The following ETS1 variants were observed in gnomAD, a reference collection of about 807,000 sequenced individuals.
The protein encoded by ETS1 is ETS proto-oncogene 1, transcription factor, also known as protein C-ets-1.
Under a neutral mutation model 58.6 loss-of-function variants are expected in ETS1, and 15 were observed. That is an observed-to-expected ratio of 0.26 (90% CI 0.17 to 0.39). ETS1 has a LOEUF of 0.39. Among genes scored for constraint, ETS1 ranks in the 10% least tolerant of loss-of-function variants. ETS1 has a pLI of 1.00. For missense variants in ETS1, 417 were observed against 610.5 expected (o/e 0.68, Z 3.34); for synonymous variants, 214 against 218.2 (o/e 0.98, Z 0.17).
At chr11:128,532,361 A>C (rs1033629863) in intron 3 of ETS1, among the ~76,000 whole-genome samples, 1 of 152,208 alleles carries the variant, frequency 6.6e-6, no homozygotes, top group East Asian at 1.9e-4. Context: ...AGAATTTGCC[A>C]TTTACATCAG....
At position 128,463,406 on chromosome 11, in the gene ETS1, G is replaced by C. The variant is rs1432075728; in HGVS notation, c.1242+103C>G. ...TCCGGGTGGCAAGTGGCAGAGCTGG[G>C]AATCCCAATCCTGGAACACGTCATT... On this transcript the variant is annotated intron_variant, in intron 9 of 9. Transcript: ENST00000392668. This position sits in a 1 kb window ranked among gnomAD's most constrained non-coding sequence, Gnocchi z 4.1. 1.4e-6 allele frequency: 1 copy of C among 721,982 alleles called. No homozygotes were observed. The highest frequency in any genetic ancestry group is 1.7e-5 in the African/African-American group (1 of 57,312). The allele number at this position is 721,982 out of a possible 1,614,324, so 44.7% of individuals were successfully genotyped here.
rs560557877 is a variant in ETS1, at chr11:128,532,156, G to C, written c.214+24135C>G. Among the ~76,000 whole-genome samples the C allele has an allele frequency of 7.9e-5, 12 of 152,240 alleles. No homozygotes were observed. In the South Asian group the frequency reaches 2.5e-3, roughly 32 times the overall value. On this transcript the variant is annotated intron_variant, in intron 3 of 9. Transcript: ENST00000392668. ...GCCATACACATACATTTTAGCTACA[G>C]AATTCTGGACCTAGATAGCACTCCC... is the stretch of plus-strand genomic sequence containing the variant.
intron 3 of ETS1, among the ~76,000 whole-genome samples, chr11:128,535,478 G>A (rs1201597348): frequency 6.6e-6 from 1 of 152,124 alleles, no homozygotes; most frequent in African/African-American, 2.4e-5. Context: ...TGCTTTTGAT[G>A]TTTTTGTCAT....
intron 1 of ETS1, among the ~76,000 whole-genome samples, chr11:128,579,337 C>A (rs117476491): frequency 0.01 from 1,535 of 152,054 alleles, 16 homozygotes; most frequent in Non-Finnish European, 0.016. Flanking sequence ...AAAAGCATGT[C>A]CTTTTGGCTT....
intron 3 of ETS1, among the ~76,000 whole-genome samples, chr11:128,519,854 C>A (rs1445829389): frequency 6.8e-6 from 1 of 147,988 alleles, no homozygotes; most frequent in Admixed American, 6.8e-5. Context: ...ATATAAGCAA[C>A]TAAAGGTCCA....
At chr11:128,565,029 C>CAAAT (rs6144562) in intron 2 of ETS1, among the ~76,000 whole-genome samples, 8,204 of 144,532 alleles carry the variant, frequency 0.057, 340 homozygotes, top group Admixed American at 0.15. Flanking sequence ...CACCAAATAT[C>CAAAT]AAATAAATAA....
In ETS1 at chr11:128,461,176, T is replaced by G. The variant is rs1393041991; in HGVS notation, c.*1185A>C. ...TGAGGGGGTGCAAAAAATGGAGGAC[T>G]CTTGGAAAATAAGACATAAAAGAAA... On this transcript the variant is annotated 3_prime_UTR_variant, in exon 10 of 10. Transcript: ENST00000392668. 6.5e-6 allele frequency: 1 copy of G among 152,774 alleles called. No homozygotes were observed. The highest frequency in any genetic ancestry group is 2.4e-5 in the African/African-American group (1 of 41,452). The allele number at this position is 152,774 out of a possible 1,614,324, so 9.5% of individuals were successfully genotyped here.
Position 128,559,397 on chromosome 11 carries a change from A to G in ETS1, c.70-2962T>C, listed in dbSNP as rs1274588331. ...GTAGGTCAACTCACAGGCTTTGAGT[A>G]ACAACCATGCACAGAATCAGCTTGA... On this transcript the variant is annotated intron_variant, in intron 2 of 9. Coordinates refer to ENST00000392668, the MANE Select transcript of ETS1 (RefSeq NM_001143820.2). Among the ~76,000 whole-genome samples the G allele has an allele frequency of 2.6e-5, 4 of 152,256 alleles. No homozygotes were observed. The East Asian group carries it at 5.8e-4, about 22-fold the overall frequency.
At chr11:128,582,563 T>A (rs1431004249) in intron 1 of ETS1, among the ~76,000 whole-genome samples, 1 of 152,206 alleles carries the variant, frequency 6.6e-6, no homozygotes, top group Admixed American at 6.5e-5. Context: ...GTGTTAGAGC[T>A]AGAACATGGA....
intron 3 of ETS1, among the ~76,000 whole-genome samples, chr11:128,531,434 A>C (rs564703969): frequency 6.6e-6 from 1 of 152,304 alleles, no homozygotes; most frequent in South Asian, 2.1e-4. Flanking sequence ...GTGAGCATAA[A>C]ATTTTCATGA....
chr11:128,480,916 T>A (rs1298913534), intron 7 of ETS1, among the ~76,000 whole-genome samples: 1 of 152,198 alleles, frequency 6.6e-6, no homozygotes, highest in African/African-American at 2.4e-5. Context: ...AAAGGCCCAG[T>A]TTGGAAAACA....
chr11:128,565,539 G>A (rs1864479079), intron 2 of ETS1, among the ~76,000 whole-genome samples: 1 of 152,158 alleles, frequency 6.6e-6, no homozygotes, highest in African/African-American at 2.4e-5. Context: ...TGAATTTCCT[G>A]ATATTGCAAG....
chr11:128,583,137 A>G (rs952707552), intron 1 of ETS1, among the ~76,000 whole-genome samples: 2 of 152,188 alleles, frequency 1.3e-5, no homozygotes, highest in African/African-American at 4.8e-5. Flanking sequence ...GCCGCAGGTC[A>G]GAGGACTTCA....
intron 3 of ETS1, among the ~76,000 whole-genome samples, chr11:128,540,320 C>CAAA (rs112191021): frequency 1.8e-4 from 15 of 83,632 alleles, no homozygotes; most frequent in South Asian, 4.0e-4. Flanking sequence ...AATTCCATCT[C>CAAA]AAAAAAAAAA....
At chr11:128,475,839 C>T (rs1448925368) in intron 8 of ETS1, among the ~76,000 whole-genome samples, 1 of 152,062 alleles carries the variant, frequency 6.6e-6, no homozygotes, top group Non-Finnish European at 1.5e-5. Flanking sequence ...GCGTGAGCCA[C>T]CGCACCCGGC....
chr11:128,473,336 T>A (rs1255047022), intron 8 of ETS1, among the ~76,000 whole-genome samples: 1 of 152,234 alleles, frequency 6.6e-6, no homozygotes, highest in Non-Finnish European at 1.5e-5. Context: ...TACTATGGAA[T>A]GTAGGTGACA....
intron 8 of ETS1, among the ~76,000 whole-genome samples, chr11:128,476,483 A>C (rs1157652326): frequency 2.0e-5 from 3 of 152,262 alleles, no homozygotes; most frequent in African/African-American, 7.2e-5. Context: ...TGCAGAATGC[A>C]ATTACATACA....
chr11:128,572,529 C>T (rs2135580819), intron 2 of ETS1, among the ~76,000 whole-genome samples: 1 of 152,312 alleles, frequency 6.6e-6, no homozygotes, highest in South Asian at 2.1e-4. Context: ...GGGCAAGGAT[C>T]TTCTCACCTA....
intron 3 of ETS1, chr11:128,522,210 G>T: frequency 3.2e-6 from 4 of 1,234,732 alleles, no homozygotes; most frequent in Non-Finnish European, 3.0e-6. Flanking sequence ...AAGTGAGCGC[G>T]CTCGGGTCCC....
Sources: gnomAD v4.1 joint callset for allele counts (sites outside exome capture counted in the v4.1 genomes callset) on GRCh38, gnomAD v4.1.1 for gene constraint, Gnocchi (gnomAD v3.1) non-coding constraint, MANE v1.5 for transcripts, NCBI Gene and HGNC (gene_info 2026-07-23, HGNC 2026-07-21) for gene names.